The following ZNF532 variants were observed in gnomAD, a reference collection of about 807,000 sequenced individuals.
The protein encoded by ZNF532 is zinc finger protein 532.
A neutral mutation model predicts 89.3 loss-of-function variants in ZNF532; 22 were observed. The ratio of observed to expected loss-of-function variants is 0.25; its 90% CI spans 0.18 to 0.35. The LOEUF (loss-of-function observed/expected upper bound fraction) is 0.35. ZNF532 is among the 10% of genes least tolerant of loss of function. ZNF532 has a pLI of 1.00. For missense variants in ZNF532, 1,132 were observed against 1,643.4 expected, an observed-to-expected ratio of 0.69 and a Z score of 5.38; for synonymous variants, 606 against 649.6, an observed-to-expected ratio of 0.93 and a Z score of 1.02.
intron 2 of ZNF532, among the ~76,000 whole-genome samples, chr18:58,895,249 C>A (rs1260007907): frequency 6.6e-6 from 1 of 152,200 alleles, no homozygotes; most frequent in Non-Finnish European, 1.5e-5. Flanking sequence ...GCCTCTGTCT[C>A]ACGTTTGGCT....
At chr18:58,952,351 T>G (rs1200224155) in intron 6 of ZNF532, among the ~76,000 whole-genome samples, 1 of 152,178 alleles carries the variant, frequency 6.6e-6, no homozygotes, top group Non-Finnish European at 1.5e-5. Context: ...AAATTGTATA[T>G]TGTATACAGA....
intron 5 of ZNF532, among the ~76,000 whole-genome samples, chr18:58,947,439 A>G (rs1229327211): frequency 6.6e-6 from 1 of 152,234 alleles, no homozygotes; most frequent in East Asian, 1.9e-4. Flanking sequence ...GAGACAAGTG[A>G]ATATTTTAAG....
chr18:58,973,677 ATGAT>A (rs1341094708), intron 7 of ZNF532, among the ~76,000 whole-genome samples: 4 of 152,194 alleles, frequency 2.6e-5, no homozygotes, highest in Admixed American at 6.5e-5. Flanking sequence ...GCACAGATGA[ATGAT>A]TATAGTAAAT....
intron 6 of ZNF532, among the ~76,000 whole-genome samples, chr18:58,952,007 A>T (rs562577971): frequency 1.3e-5 from 2 of 152,296 alleles, no homozygotes; most frequent in South Asian, 4.1e-4. Flanking sequence ...AGACCTTGTG[A>T]CTTCAGCTGG....
chr18:58,932,655 TCTTAA>T (rs1348283245), intron 3 of ZNF532: 1 of 152,224 alleles, frequency 6.6e-6, no homozygotes, highest in Non-Finnish European at 1.5e-5. Flanking sequence ...TGGGCGAGTT[TCTTAA>T]CTTTACTGAG....
At chr18:58,981,113 C>A in intron 8 of ZNF532, 1 of 225,440 alleles carries the variant, frequency 4.4e-6, no homozygotes, top group Non-Finnish European at 8.7e-6. Context: ...TGGCGCTGGA[C>A]ACTCATGTCT....
At chr18:58,894,793 A>C (rs1238860162) in intron 2 of ZNF532, among the ~76,000 whole-genome samples, 2 of 152,194 alleles carry the variant, frequency 1.3e-5, no homozygotes, top group African/African-American at 4.8e-5. Context: ...CATATTTTCT[A>C]GGTTAATGTT....
intron 2 of ZNF532, among the ~76,000 whole-genome samples, chr18:58,880,439 T>C (rs1267796949): frequency 6.6e-6 from 1 of 152,226 alleles, no homozygotes; most frequent in African/African-American, 2.4e-5. Context: ...TTGGCATTTG[T>C]ACCCGGATCT....
intron 2 of ZNF532, among the ~76,000 whole-genome samples, chr18:58,903,127 T>C (rs1233335224): frequency 7.2e-5 from 11 of 152,226 alleles, no homozygotes; most frequent in Admixed American, 7.2e-4. Context: ...GTGATACGGC[T>C]GTTAACTATT....
At chr18:58,890,959 C>G (rs532541499) in intron 2 of ZNF532, among the ~76,000 whole-genome samples, 1 of 152,208 alleles carries the variant, frequency 6.6e-6, no homozygotes, top group Admixed American at 6.5e-5. Flanking sequence ...ATCCTCCCAC[C>G]TCAGCCTCCT....
intron 6 of ZNF532, among the ~76,000 whole-genome samples, chr18:58,951,263 TTAG>T (rs1232906455): frequency 1.3e-5 from 2 of 152,180 alleles, no homozygotes; most frequent in African/African-American, 4.8e-5. Context: ...GCACCTGGAC[TTAG>T]TAGTCTTAAT....
intron 2 of ZNF532, among the ~76,000 whole-genome samples, chr18:58,866,043 G>T (rs566531022): frequency 4.6e-5 from 7 of 152,186 alleles, no homozygotes; most frequent in Non-Finnish European, 8.8e-5. Context: ...TTGCTCTCTT[G>T]TGTTAACCTG....
At chr18:58,958,972 G>T (rs892670417) in intron 7 of ZNF532, among the ~76,000 whole-genome samples, 10 of 152,156 alleles carry the variant, frequency 6.6e-5, no homozygotes, top group African/African-American at 2.4e-4. Flanking sequence ...TCCTTTGAAT[G>T]AGATAATATC....
intron 7 of ZNF532, among the ~76,000 whole-genome samples, chr18:58,966,738 G>GTTCTGTTTTT (rs2065948733): frequency 7.9e-6 from 1 of 125,996 alleles, no homozygotes; most frequent in Non-Finnish European, 1.7e-5. Flanking sequence ...ATTTTTTTGT[G>GTTCTGTTTTT]TTTTTTTTTT....
intron 2 of ZNF532, among the ~76,000 whole-genome samples, chr18:58,879,709 A>G (rs2057733266): frequency 1.3e-5 from 2 of 152,116 alleles, no homozygotes; most frequent in East Asian, 3.9e-4. Context: ...GCCTTTTTCT[A>G]TAGCATGTAC....
rs199568090 is a variant in ZNF532, at chr18:58,943,156, ATCTT to A, written c.2705+3537_2705+3540del. Among the ~76,000 whole-genome samples the A allele has an allele frequency of 5.8e-3, 820 of 140,184 alleles. 6 individuals carry two copies. Among genetic ancestry groups the A allele is most frequent in the African/African-American group, 0.02 (751 of 37,466 alleles). 92.0% of individuals were successfully genotyped at this position (140,184 alleles called of 152,430 possible). A position where few individuals can be genotyped will look rare whatever the true frequency, so the allele number is the denominator to read the frequency against. On this transcript the variant is annotated intron_variant, in intron 5 of 9. Transcript: ENST00000591808. ...GATCATTTTGACTGTCCATTACTATATCTTTTTTTTTTTTTTTTTTTGAGATGGA... is the reference window on the plus strand; with the variant it reads ...GATCATTTTGACTGTCCATTACTATATTTTTTTTTTTTTTTTTGAGATGGA...
chr18:58,949,294 A>G (rs1845805533), intron 6 of ZNF532, among the ~76,000 whole-genome samples: 2 of 152,186 alleles, frequency 1.3e-5, no homozygotes, highest in Non-Finnish European at 2.9e-5. Context: ...ATTAGGAGAT[A>G]ATATCCATTG....
rs2060789514 is a variant in ZNF532 at position 58,918,722 on chromosome 18, G to A, written c.435G>A (p.Glu145=). ...AGTTTGATGACGACGAGAAGATTGA[G>A]GTGGATGACCCCCCTGACAAGGAGG... ...AEEFDDDEKI[E]VDDPPDKEDM... Residue 145 remains glutamate, a synonymous_variant, in exon 3 of 10, where the codon GAG becomes GAA. Coordinates refer to ENST00000591808, the MANE Select transcript of ZNF532 (RefSeq NM_001375912.1). 1 of 1,614,172 alleles carries A rather than the reference G, an allele frequency of 6.2e-7. No homozygotes were observed. The highest frequency in any genetic ancestry group is 8.5e-7 in the Non-Finnish European group (1 of 1,180,036).
intron 2 of ZNF532, among the ~76,000 whole-genome samples, chr18:58,888,824 T>TAAA (rs2058608268): frequency 2.3e-4 from 12 of 52,044 alleles, no homozygotes; most frequent in Admixed American, 3.3e-4. Context: ...ATTATATATA[T>TAAA]AAATTATATA....
Sources: gnomAD v4.1 joint callset for allele counts (sites outside exome capture counted in the v4.1 genomes callset) on GRCh38, gnomAD v4.1.1 for gene constraint, MANE v1.5 for transcripts, NCBI Gene and HGNC (gene_info 2026-07-23, HGNC 2026-07-21) for gene names.